ZFHX3: variants seen among roughly 807,000 people sequenced by gnomAD.
The protein encoded by ZFHX3 is zinc finger homeobox protein 3.
ZFHX3 carries 42 observed loss-of-function variants against 279.1 expected under a neutral mutation model. The observed-to-expected ratio is 0.15, with a 90% CI of 0.12 to 0.19. ZFHX3 has a LOEUF of 0.19. Among genes scored for constraint, ZFHX3 ranks in the 10% least tolerant of loss-of-function variants. The pLI is 1.00. For missense variants in ZFHX3, 4,981 were observed against 4,754.0 expected (o/e 1.05, Z -1.40); for synonymous variants, 2,293 against 1,957.8 (o/e 1.17, Z -4.52).
chr16:73,334,291 G>A (rs1217732900), intron 3 of ZFHX3, among the ~76,000 whole-genome samples: 1 of 152,134 alleles, frequency 6.6e-6, no homozygotes, highest in Non-Finnish European at 1.5e-5. Flanking sequence ...TTGCTGATCC[G>A]TGGGAGGGCC....
At chr16:73,022,522 G>T (rs906449985) in intron 1 of ZFHX3, among the ~76,000 whole-genome samples, 2 of 152,044 alleles carry the variant, frequency 1.3e-5, no homozygotes, top group Admixed American at 6.5e-5. Flanking sequence ...AGCATCCCTG[G>T]CCTCTACACT....
Position 73,591,406 on chromosome 16 carries a change from A to G in ZFHX3, c.-1547+88774T>C, listed in dbSNP as rs545741941. Among the ~76,000 whole-genome samples the G allele has an allele frequency of 7.5e-5, 11 of 147,534 alleles. No individual in the cohort carries two copies. The East Asian group carries it at 2.3e-3, about 31-fold the overall frequency. On this transcript the variant is annotated intron_variant, in intron 2 of 17. Coordinates refer to the ZFHX3 transcript ENST00000641206. ...CAAACAAAAATCCAGAAAATAAAGC[A>G]GAGGGGGCCGGGTGCGGTGGCTCAT...
intron 1 of ZFHX3, among the ~76,000 whole-genome samples, chr16:72,969,480 G>C (rs540173347): frequency 6.6e-6 from 1 of 152,098 alleles, no homozygotes; most frequent in Admixed American, 6.5e-5. Context: ...TGTGAAAAGT[G>C]ATTCTAAGTA....
chr16:73,617,595 G>A (rs987619624), intron 2 of ZFHX3, among the ~76,000 whole-genome samples: 15 of 151,982 alleles, frequency 9.9e-5, no homozygotes, highest in Non-Finnish European at 1.9e-4. Flanking sequence ...CCTAAAAATT[G>A]TTTCTTTATT....
chr16:73,740,334 G>C (rs1248701615), intron 1 of ZFHX3, among the ~76,000 whole-genome samples: 3 of 152,104 alleles, frequency 2.0e-5, no homozygotes, highest in African/African-American at 7.2e-5. Context: ...TACGAGGCAG[G>C]CTGGGGAAGG....
chr16:72,829,871 G>A lies in ZFHX3; in HGVS notation c.3449-12C>T, dbSNP rs758466688. On this transcript the variant is annotated splice_polypyrimidine_tract_variant and intron_variant, in intron 4 of 9. Transcript: ENST00000268489. ...TTCAATGGCTTCTTCTGAAACAGAA[G>A]AAAAACATGTCAAGGGTTAAAAATA... is the stretch of plus-strand genomic sequence containing the variant. 6.2e-7 allele frequency: 1 copy of A among 1,614,022 alleles called. No homozygotes were observed. The highest frequency in any genetic ancestry group is 1.7e-5 in the Admixed American group (1 of 59,988).
chr16:73,445,865 T>C (rs1375291440), intron 3 of ZFHX3, among the ~76,000 whole-genome samples: 1 of 151,056 alleles, frequency 6.6e-6, no homozygotes, highest in African/African-American at 2.4e-5. Flanking sequence ...GTGGAATAAC[T>C]GTGAGGTGTG....
At chr16:73,492,792 T>C (rs1428787669) in intron 2 of ZFHX3, among the ~76,000 whole-genome samples, 1 of 152,220 alleles carries the variant, frequency 6.6e-6, no homozygotes, top group African/African-American at 2.4e-5. Context: ...TTTGTAAGGA[T>C]TAAGTTTTCA....
chr16:73,433,231 G>A (rs1253728790), intron 3 of ZFHX3, among the ~76,000 whole-genome samples: 1 of 152,224 alleles, frequency 6.6e-6, no homozygotes, highest in Non-Finnish European at 1.5e-5. Context: ...CCCTGCAAGA[G>A]AGATTTGAAA....
chr16:73,000,460 C>G (rs1216648225), intron 1 of ZFHX3, among the ~76,000 whole-genome samples: 1 of 152,162 alleles, frequency 6.6e-6, no homozygotes, highest in African/African-American at 2.4e-5. Flanking sequence ...GTGGCAATGT[C>G]TGGCACTCGG....
chr16:73,608,538 T>C (rs576229065), intron 2 of ZFHX3: 1 of 152,374 alleles, frequency 6.6e-6, no homozygotes, highest in South Asian at 2.1e-4. Context: ...TTTTTTATCT[T>C]GATGAAATTG....
upstream of ZFHX3, chr16:73,060,805 G>C (rs1045251809): frequency 2.0e-5 from 3 of 152,084 alleles, no homozygotes; most frequent in Non-Finnish European, 4.4e-5. Flanking sequence ...TGTTGCCCTA[G>C]CCTACCAGAT....
intron 2 of ZFHX3, among the ~76,000 whole-genome samples, chr16:73,492,209 G>A (rs2019067115): frequency 6.6e-6 from 1 of 151,966 alleles, no homozygotes; most frequent in Non-Finnish European, 1.5e-5. Flanking sequence ...TAGTGCCATT[G>A]GCCTTCACCT....
intron 1 of ZFHX3, among the ~76,000 whole-genome samples, chr16:73,878,940 GATATAT>G (rs3082335): frequency 0.16 from 21,970 of 140,974 alleles, 1,890 homozygotes; most frequent in African/African-American, 0.23. Context: ...AAAAAGATAA[GATATAT>G]ATATATATAT....
intron 3 of ZFHX3, among the ~76,000 whole-genome samples, chr16:73,320,129 A>G (rs1364625293): frequency 1.3e-5 from 2 of 152,220 alleles, no homozygotes; most frequent in Non-Finnish European, 2.9e-5. Flanking sequence ...AATCACTATG[A>G]AAAGAAAGAC....
chr16:73,483,621 G>A (rs565186424), intron 2 of ZFHX3, among the ~76,000 whole-genome samples: 1 of 152,168 alleles, frequency 6.6e-6, no homozygotes, highest in African/African-American at 2.4e-5. Flanking sequence ...GAGAGTGGGG[G>A]GCGGGGGAGC....
chr16:72,854,454 T>C (rs1176943367), intron 4 of ZFHX3, among the ~76,000 whole-genome samples: 2 of 152,100 alleles, frequency 1.3e-5, no homozygotes, highest in African/African-American at 4.8e-5. Flanking sequence ...GCTTAAAGAA[T>C]GGGGAAACTC....
chr16:73,384,182 C>G (rs2016860891), intron 3 of ZFHX3, among the ~76,000 whole-genome samples: 1 of 152,178 alleles, frequency 6.6e-6, no homozygotes, highest in Non-Finnish European at 1.5e-5. Context: ...CTGGCCTGCA[C>G]CCTGTTTTTA....
chr16:73,777,800 G>C (rs1438565398), intron 1 of ZFHX3, among the ~76,000 whole-genome samples: 2 of 152,262 alleles, frequency 1.3e-5, no homozygotes, highest in South Asian at 4.1e-4. Context: ...TGAGGCTCAG[G>C]CAGGTTACTG....
Sources: gnomAD v4.1 joint callset for allele counts (sites outside exome capture counted in the v4.1 genomes callset) on GRCh38, gnomAD v4.1.1 for gene constraint, MANE v1.5 for transcripts, NCBI Gene and HGNC (gene_info 2026-07-23, HGNC 2026-07-21) for gene names.